RGL1: variants seen among roughly 807,000 people sequenced by gnomAD.
The protein encoded by RGL1 is ral guanine nucleotide dissociation stimulator-like 1.
Under a neutral mutation model 95.2 loss-of-function variants are expected in RGL1, and 24 were observed. That is an observed-to-expected ratio of 0.25 (90% CI 0.18 to 0.35). RGL1 has a LOEUF of 0.35. Ranked by LOEUF, RGL1 falls within the 10% of genes least tolerant of loss-of-function variation. RGL1 has a pLI of 1.00. For synonymous variants in RGL1, 329 were observed against 344.9 expected (o/e 0.95, Z 0.51); for missense variants, 715 against 936.3 (o/e 0.76, Z 3.08).
At chr1:183,674,136 G>C (rs1652661638) in intron 1 of RGL1, among the ~76,000 whole-genome samples, 1 of 152,092 alleles carries the variant, frequency 6.6e-6, no homozygotes, top group Non-Finnish European at 1.5e-5. Context: ...TTGTAGCACA[G>C]TTTATAACAC....
chr1:183,774,793 C>T lies in RGL1; in HGVS notation c.133-31582C>T, dbSNP rs149958830. Among the ~76,000 whole-genome samples, 700 of 152,086 alleles carry T rather than the reference C, an allele frequency of 4.6e-3. 4 individuals carry two copies. The highest frequency in any genetic ancestry group is 0.011 in the Admixed American group (162 of 15,292). ...GTGTCACCAAATTGGCCAGGCTGGT[C>T]TCAAACTCCTGACCTCGTAATCCGC... On this transcript the variant is annotated intron_variant, in intron 2 of 18. Transcript: ENST00000304685.
chr1:183,849,605 C>T (rs943164790), intron 3 of RGL1, among the ~76,000 whole-genome samples: 1 of 150,014 alleles, frequency 6.7e-6, no homozygotes, highest in Non-Finnish European at 1.5e-5. Context: ...ATTCTCCTGC[C>T]TCAGCCTCCT....
chr1:183,875,719 G>GAAAAAA (rs111769075), intron 4 of RGL1, among the ~76,000 whole-genome samples: 1 of 147,572 alleles, frequency 6.8e-6, no homozygotes, highest in Non-Finnish European at 1.5e-5. Flanking sequence ...CTACTAAAAA[G>GAAAAAA]AAAAAAAAAA....
chr1:183,836,674 G>A (rs1256284849), intron 2 of RGL1, among the ~76,000 whole-genome samples: 1 of 152,108 alleles, frequency 6.6e-6, no homozygotes, highest in Non-Finnish European at 1.5e-5. Context: ...GACACCTGGT[G>A]GGTTTATCAG....
chr1:183,823,786 T>C (rs1662659064), intron 2 of RGL1, among the ~76,000 whole-genome samples: 1 of 152,130 alleles, frequency 6.6e-6, no homozygotes, highest in South Asian at 2.1e-4. Flanking sequence ...TAGTTTGATA[T>C]GATTTTTTTT....
At chr1:183,902,534 G>C in intron 11 of RGL1, 34 bp from the exon 12 acceptor site, 5 of 1,590,152 alleles carry the variant, frequency 3.1e-6, no homozygotes, top group Non-Finnish European at 4.3e-6. Flanking sequence ...AAAGTAGCTT[G>C]GTTGCTCACT....
intron 12 of RGL1, among the ~76,000 whole-genome samples, chr1:183,903,658 T>C (rs1310307718): frequency 1.3e-5 from 2 of 152,172 alleles, no homozygotes; most frequent in Non-Finnish European, 1.5e-5. Context: ...TAGGCAGTTA[T>C]AATACAACCT....
chr1:183,647,987 A>G (rs369049002), intron 1 of RGL1: 12 of 1,614,082 alleles, frequency 7.4e-6, no homozygotes, highest in Non-Finnish European at 1.0e-5. Flanking sequence ...CAGGAAAGGC[A>G]TTGTTTAAGG....
At chr1:183,883,472 C>A (rs558033603) in intron 5 of RGL1, among the ~76,000 whole-genome samples, 2 of 152,260 alleles carry the variant, frequency 1.3e-5, no homozygotes, top group East Asian at 3.9e-4. Context: ...CTGATCTGAT[C>A]AAAAAGTTTG....
rs759805402 is a variant in RGL1, at chr1:183,888,594, T to C, written c.1055+17T>C. The stretch of plus-strand genomic sequence containing the variant: ...CGTCCCAAGGTAAGTTCCCAAGTGT[T>C]TGCTCTGCTTTTCTTTGGCCGGGAT... On this transcript the variant is annotated intron_variant, in intron 8 of 17. Coordinates refer to ENST00000360851, the MANE Select transcript of RGL1 (RefSeq NM_001297671.3). 1.3e-6 allele frequency: 2 copies of C among 1,507,336 alleles called. No individual in the cohort carries two copies. The highest frequency in any genetic ancestry group is 4.5e-5 in the East Asian group (2 of 44,320). The allele number at this position is 1,507,336 out of a possible 1,614,324, so 93.4% of individuals were successfully genotyped here.
At chr1:183,735,688 G>A (rs1035394870) in intron 1 of RGL1, among the ~76,000 whole-genome samples, 2 of 152,134 alleles carry the variant, frequency 1.3e-5, no homozygotes, top group Admixed American at 6.6e-5. Flanking sequence ...TCAAACACAA[G>A]CAACATTTAG....
chr1:183,708,362 C>T (rs1655049821), intron 1 of RGL1, among the ~76,000 whole-genome samples: 1 of 152,162 alleles, frequency 6.6e-6, no homozygotes. Flanking sequence ...TCCCTTCCCC[C>T]TCACTGATCT....
chr1:183,886,771 T>G (rs1343288358), intron 7 of RGL1, among the ~76,000 whole-genome samples: 1 of 152,126 alleles, frequency 6.6e-6, no homozygotes, highest in African/African-American at 2.4e-5. Flanking sequence ...ATTTTACCTT[T>G]CCTGCATTCA....
At chr1:183,923,401 T>C (rs1398947476) in intron 17 of RGL1, among the ~76,000 whole-genome samples, 2 of 152,218 alleles carry the variant, frequency 1.3e-5, no homozygotes, top group Non-Finnish European at 2.9e-5. Context: ...AGCTGAGCCT[T>C]AGGCTGTGGG....
rs551008973 is a variant in RGL1, at chr1:183,668,935, C to CTTTTTTTTTTTTTTT, written c.-33+32438_-33+32439insTTTTTTTTTTTTTTT. 2.6e-5 allele frequency among the ~76,000 whole-genome samples: 3 copies of CTTTTTTTTTTTTTTT among 115,556 alleles called. 1 individual carries two copies. The highest frequency in any genetic ancestry group is 3.2e-5 in the African/African-American group (1 of 31,502). The allele number at this position is 115,556 out of a possible 152,430, so 75.8% of individuals were successfully genotyped here. ...CTTTTTGCTTTTGGTATTGGACTTT[C>CTTTTTTTTTTTTTTT]TTTTCTTTTTTTTTTTTTTTGAGAT... On this transcript the variant is annotated intron_variant, in intron 1 of 18. Coordinates refer to the RGL1 transcript ENST00000304685.
At chr1:183,890,984 G>T (rs1454230619) in intron 8 of RGL1, among the ~76,000 whole-genome samples, 1 of 152,204 alleles carries the variant, frequency 6.6e-6, no homozygotes, top group East Asian at 1.9e-4. Context: ...AGCTGTTATT[G>T]TAAGAAAAAA....
At chr1:183,779,297 A>G (rs116678631) in intron 2 of RGL1, among the ~76,000 whole-genome samples, 2,282 of 148,436 alleles carry the variant, frequency 0.015, 73 homozygotes, top group African/African-American at 0.055. Flanking sequence ...CTGGAATGCA[A>G]TGTCACCCAG....
At chr1:183,899,317 G>A (rs1399070383) in intron 10 of RGL1, among the ~76,000 whole-genome samples, 2 of 152,126 alleles carry the variant, frequency 1.3e-5, no homozygotes, top group Non-Finnish European at 2.9e-5. Flanking sequence ...ACCCAATCCG[G>A]CATACCAACT....
chr1:183,915,428 A>G (rs1396477087), intron 15 of RGL1, among the ~76,000 whole-genome samples: 1 of 152,226 alleles, frequency 6.6e-6, no homozygotes, highest in Non-Finnish European at 1.5e-5. Flanking sequence ...TTCTTTGGTT[A>G]TTGGTATTGC....
Sources: gnomAD v4.1 joint callset for allele counts (sites outside exome capture counted in the v4.1 genomes callset) on GRCh38, gnomAD v4.1.1 for gene constraint, MANE v1.5 for transcripts, NCBI Gene and HGNC (gene_info 2026-07-23, HGNC 2026-07-21) for gene names.